PARM1: variants seen among roughly 807,000 people sequenced by gnomAD.
PARM1 encodes the protein prostate androgen-regulated mucin-like protein 1.
PARM1 carries 14 observed loss-of-function variants against 24.6 expected under a neutral mutation model. The ratio of observed to expected loss-of-function variants is 0.57; its 90% CI spans 0.38 to 0.89. The LOEUF is 0.89. Ranked by LOEUF, PARM1 falls within the 40% of genes least tolerant of loss-of-function variation. The probability of loss-of-function intolerance (pLI) is 0.00; values close to 1 mark genes in which losing one functional copy is unlikely to be tolerated. For synonymous variants in PARM1, 179 were observed against 156.6 expected (o/e 1.14, Z -1.07); for missense variants, 362 against 380.4 (o/e 0.95, Z 0.40).
chr4:74,951,687 T>G (rs555373184), intron 1 of PARM1, among the ~76,000 whole-genome samples: 209 of 152,132 alleles, frequency 1.4e-3, no homozygotes, highest in Non-Finnish European at 1.4e-3. Flanking sequence ...ATACGCGGTG[T>G]TTGGTTTTCT....
intron 2 of PARM1, among the ~76,000 whole-genome samples, chr4:75,025,648 C>T (rs1459207990): frequency 5.3e-5 from 8 of 152,116 alleles, no homozygotes; most frequent in Admixed American, 2.0e-4. Flanking sequence ...ATACAGCTGA[C>T]GTGCCCCCAT....
At chr4:74,984,915 GA>G (rs937337854) in intron 1 of PARM1, among the ~76,000 whole-genome samples, 2 of 152,186 alleles carry the variant, frequency 1.3e-5, no homozygotes, top group Non-Finnish European at 2.9e-5. Context: ...GCCCTTTAGA[GA>G]AAAAGTTTGC....
At chr4:74,953,700 A>G (rs972633434) in intron 1 of PARM1, among the ~76,000 whole-genome samples, 2 of 152,228 alleles carry the variant, frequency 1.3e-5, no homozygotes, top group African/African-American at 4.8e-5. Context: ...AGACTTTTCC[A>G]TGGAAGATTG....
In PARM1 at chr4:75,014,008, G is replaced by A. The variant is rs987876679; in HGVS notation, c.769+858G>A. ...GAAAGAGTGAGATGAGCTCATTTTA[G>A]ATGAGCCAGAAGTTAGAGGGGGAAA... is the stretch of plus-strand genomic sequence containing the variant. On this transcript the variant is annotated intron_variant, in intron 2 of 3. Transcript: ENST00000307428. 5.9e-5 allele frequency among the ~76,000 whole-genome samples: 9 copies of A among 152,120 alleles called. 1 individual carries two copies. Among genetic ancestry groups the A allele is most frequent in the African/African-American group, 2.2e-4 (9 of 41,408 alleles).
intron 1 of PARM1, among the ~76,000 whole-genome samples, chr4:74,953,244 AG>A (rs1721562777): frequency 6.6e-6 from 1 of 152,242 alleles, no homozygotes; most frequent in Non-Finnish European, 1.5e-5. Context: ...TTTCCTTTAT[AG>A]GAGATTTAAC....
intron 2 of PARM1, among the ~76,000 whole-genome samples, chr4:75,017,573 A>T (rs1351085605): frequency 1.3e-5 from 2 of 151,700 alleles, no homozygotes; most frequent in African/African-American, 2.4e-5. Context: ...ATCACTACTG[A>T]TCCCTTTCCC....
At chr4:75,002,066 A>T (rs1015011158) in intron 1 of PARM1, among the ~76,000 whole-genome samples, 1 of 152,250 alleles carries the variant, frequency 6.6e-6, no homozygotes, top group Admixed American at 6.5e-5. Context: ...GCAAAGTGCC[A>T]TGGAGCTGAC....
chr4:75,017,535 C>T (rs1009988765), intron 2 of PARM1, among the ~76,000 whole-genome samples: 3 of 152,152 alleles, frequency 2.0e-5, no homozygotes, highest in African/African-American at 4.8e-5. Flanking sequence ...AGCCTTTACT[C>T]ACTCCCCCAT....
At chr4:74,965,782 A>ACC (rs1397532598) in intron 1 of PARM1, among the ~76,000 whole-genome samples, 1 of 152,180 alleles carries the variant, frequency 6.6e-6, no homozygotes, top group Non-Finnish European at 1.5e-5. Flanking sequence ...CCAGTACCTC[A>ACC]CCAGTGATTC....
intron 1 of PARM1, among the ~76,000 whole-genome samples, chr4:74,952,929 G>T (rs1186587890): frequency 6.6e-6 from 1 of 152,108 alleles, no homozygotes; most frequent in Non-Finnish European, 1.5e-5. Context: ...TTTAAAAGAA[G>T]GAGACCAAAT....
chr4:74,953,457 A>T (rs1313300927), intron 1 of PARM1, among the ~76,000 whole-genome samples: 1 of 152,242 alleles, frequency 6.6e-6, no homozygotes, highest in Non-Finnish European at 1.5e-5. Context: ...CAGCCTCATT[A>T]TATTTTTTAA....
chr4:75,022,303 G>A (rs1391086726), intron 2 of PARM1, among the ~76,000 whole-genome samples: 1 of 152,024 alleles, frequency 6.6e-6, no homozygotes, highest in African/African-American at 2.4e-5. Flanking sequence ...CTCTCATAAG[G>A]GGCTCCAGCT....
At chr4:75,032,707 C>T (rs1723296917) in intron 2 of PARM1, among the ~76,000 whole-genome samples, 1 of 152,178 alleles carries the variant, frequency 6.6e-6, no homozygotes, top group African/African-American at 2.4e-5. Flanking sequence ...TAAGAGTCGT[C>T]AGGGTTAAGT....
intron 1 of PARM1, among the ~76,000 whole-genome samples, chr4:74,934,751 G>T (rs1460230275): frequency 6.6e-6 from 1 of 152,156 alleles, no homozygotes; most frequent in African/African-American, 2.4e-5. Flanking sequence ...CTCAAAGCAG[G>T]AGATGCTTAC....
chr4:75,049,761 A>G lies in PARM1; in HGVS notation c.*3514A>G, dbSNP rs564837865. On this transcript the variant is annotated 3_prime_UTR_variant, in exon 4 of 4. Transcript: ENST00000307428. The stretch of plus-strand genomic sequence containing the variant: ...CTGTTTGCCCTTCATCTTGCTTGCA[A>G]GTGTGCATGGTTCAATCCCTCACAT... 66 of 152,614 alleles carry G rather than the reference A, an allele frequency of 4.3e-4. No homozygotes were observed. The highest frequency in any genetic ancestry group is 1.5e-3 in the African/African-American group (63 of 41,518). The allele number at this position is 152,614 out of a possible 1,614,324, so 9.5% of individuals were successfully genotyped here.
At chr4:75,037,780 T>C (rs962909395) in intron 3 of PARM1, among the ~76,000 whole-genome samples, 1 of 152,210 alleles carries the variant, frequency 6.6e-6, no homozygotes, top group Admixed American at 6.5e-5. Context: ...ATTAACTCCT[T>C]GATCCTCAAT....
intron 3 of PARM1, among the ~76,000 whole-genome samples, chr4:75,041,530 T>C (rs1723483978): frequency 6.6e-6 from 1 of 152,238 alleles, no homozygotes; most frequent in African/African-American, 2.4e-5. Context: ...GAACTGGGGC[T>C]GACCCTTGTA....
Position 74,934,412 on chromosome 4 carries a change from T to C in PARM1, c.43+1042T>C, listed in dbSNP as rs563981549. Reference sequence around the variant, plus strand: ...ATATCCTCCCTCTGAGTTCGTCGGGTTCCTACAGTTGTGGACACGAGTCGT... The same window carrying C: ...ATATCCTCCCTCTGAGTTCGTCGGGCTCCTACAGTTGTGGACACGAGTCGT... On this transcript the variant is annotated intron_variant, in intron 1 of 3. Transcript: ENST00000307428. Among the ~76,000 whole-genome samples the C allele has an allele frequency of 1.7e-3, 254 of 152,330 alleles. 1 individual carries two copies. The highest frequency in any genetic ancestry group is 5.9e-3 in the African/African-American group (246 of 41,576).
intron 1 of PARM1, among the ~76,000 whole-genome samples, chr4:74,996,707 T>C (rs2109783642): frequency 6.6e-6 from 1 of 152,332 alleles, no homozygotes; most frequent in Middle Eastern, 3.4e-3. Context: ...CTGTAGTTTT[T>C]ATGTAGATTG....
Sources: allele counts gnomAD v4.1 joint callset (sites outside exome capture counted in the v4.1 genomes callset), GRCh38; gene constraint gnomAD v4.1.1; transcripts MANE v1.5; gene names NCBI Gene and HGNC (gene_info 2026-07-23, HGNC 2026-07-21).